The following SNX25 variants were observed in gnomAD, a reference collection of about 807,000 sequenced individuals.
SNX25 encodes sorting nexin-25.
SNX25 carries 62 observed loss-of-function variants against 113.7 expected under a neutral mutation model. That is an observed-to-expected ratio of 0.55 (90% CI 0.44 to 0.67). The LOEUF (loss-of-function observed/expected upper bound fraction) is 0.67, where lower values mean the gene tolerates loss of function less well. Among genes scored for constraint, SNX25 ranks in the 30% least tolerant of loss-of-function variants. SNX25 has a pLI of 0.00. For missense variants in SNX25, 1,014 were observed against 1,161.0 expected, an observed-to-expected ratio of 0.87 and a Z score of 1.84; for synonymous variants, 421 against 436.2, an observed-to-expected ratio of 0.97 and a Z score of 0.43.
intron 6 of SNX25, among the ~76,000 whole-genome samples, chr4:185,290,584 TA>T (rs2126616682): frequency 6.6e-6 from 1 of 152,356 alleles, no homozygotes; most frequent in South Asian, 2.1e-4. Flanking sequence ...ACTGCTTAGA[TA>T]AACTCTTACG....
At chr4:185,303,658 CAAA>C (rs34378168) in intron 6 of SNX25, among the ~76,000 whole-genome samples, 15 of 50,880 alleles carry the variant, frequency 2.9e-4, no homozygotes, top group African/African-American at 4.1e-4. Flanking sequence ...GACTCTGTCT[CAAA>C]AAAAAAAAAA....
chr4:185,339,603 A>G, intron 11 of SNX25, 93 bp downstream of exon 11: 5 of 1,445,012 alleles, frequency 3.5e-6, no homozygotes, highest in Non-Finnish European at 4.6e-6. Context: ...GAGGGTAGAA[A>G]ACTTACACTC....
At chr4:185,366,172 T>C (rs548399727), downstream of SNX25, 2 of 152,386 alleles carry the variant, frequency 1.3e-5, no homozygotes, top group Non-Finnish European at 2.9e-5. Context: ...TACAATCTTA[T>C]GCATATGGAT....
At chr4:185,205,383 G>A (rs566997694), upstream of SNX25, among the ~76,000 whole-genome samples, 24 of 152,208 alleles carry the variant, frequency 1.6e-4, no homozygotes, top group Middle Eastern at 3.4e-3. Flanking sequence ...GAACTCCGGA[G>A]GTGGAGGTTG....
intron 9 of SNX25, among the ~76,000 whole-genome samples, chr4:185,326,640 A>G (rs1317014071): frequency 6.6e-6 from 1 of 152,230 alleles, no homozygotes; most frequent in East Asian, 1.9e-4. Context: ...TAACTTATTT[A>G]TACAAACATA....
chr4:185,371,457 G>A (rs1057098022), downstream of SNX25, among the ~76,000 whole-genome samples: 1 of 151,318 alleles, frequency 6.6e-6, no homozygotes, highest in African/African-American at 2.4e-5. Context: ...CAGGAGAATG[G>A]CGTGAACCCG....
rs1579491241 is a variant in SNX25, at chr4:185,254,581, G to A, written c.515-4267G>A. 2.0e-5 allele frequency among the ~76,000 whole-genome samples: 3 copies of A among 152,168 alleles called. No homozygotes were observed. The South Asian group carries it at 6.2e-4, about 32-fold the overall frequency. On this transcript the variant is annotated intron_variant, in intron 2 of 18. Transcript: ENST00000652585. The stretch of plus-strand genomic sequence containing the variant: ...TCCTTGTTCTGAAAATTTGTGGGTA[G>A]CGATTACCTAACATCCTGTTGTCTA...
intron 8 of SNX25, among the ~76,000 whole-genome samples, chr4:185,321,192 A>G (rs1362893609): frequency 1.3e-5 from 2 of 151,756 alleles, no homozygotes; most frequent in African/African-American, 2.4e-5. Context: ...CCTCACCTAC[A>G]CTTCAGTCTC....
rs2095136760 is a variant in SNX25, at chr4:185,323,727, AC to A, written c.1678del (p.Leu560CysfsTer6). The A allele has an allele frequency of 6.2e-7, 1 of 1,613,682 alleles. No individual in the cohort carries two copies. The highest frequency in any genetic ancestry group is 1.3e-5 in the African/African-American group (1 of 74,910). On this transcript the variant is annotated frameshift_variant, in exon 9 of 19. Coordinates refer to ENST00000652585, the MANE Select transcript of SNX25 (RefSeq NM_001378034.2). LOFTEE classifies it high-confidence loss of function. The part of the protein sequence containing the change: ...DRYYPSFIVS[D>X]LYEKLLIKEE... Reference sequence around the variant, plus strand: ...TATTACCCTTCATTTATTGTCAGTGACCTGTATGAGAAATTGTTGATAAAAG... The same window carrying A: ...TATTACCCTTCATTTATTGTCAGTGACTGTATGAGAAATTGTTGATAAAAG...
chr4:185,211,000 A>G lies in SNX25; in HGVS notation c.429+745A>G, dbSNP rs1737697386. On this transcript the variant is annotated intron_variant, in intron 1 of 18. Coordinates refer to ENST00000652585, the MANE Select transcript of SNX25 (RefSeq NM_001378034.2). The surrounding 1 kb of genome is among the most constrained non-coding windows in gnomAD (Gnocchi z 4.4). Reference sequence around the variant, plus strand: ...ATCTTTCTTCCACATTCCTTCTCATAATCCTTTAAAGGGAACTTTATTCTA... The same window carrying G: ...ATCTTTCTTCCACATTCCTTCTCATGATCCTTTAAAGGGAACTTTATTCTA... 1.3e-5 allele frequency among the ~76,000 whole-genome samples: 2 copies of G among 151,984 alleles called. No homozygotes were observed. The highest frequency in any genetic ancestry group is 2.9e-5 in the Non-Finnish European group (2 of 67,978).
At chr4:185,299,525 C>T (rs940746193) in intron 6 of SNX25, among the ~76,000 whole-genome samples, 1 of 152,174 alleles carries the variant, frequency 6.6e-6, no homozygotes, top group African/African-American at 2.4e-5. Context: ...GACTGGTTCC[C>T]TGATGATGCT....
At chr4:185,351,847 C>G (rs1217868902) in intron 14 of SNX25, among the ~76,000 whole-genome samples, 1 of 151,250 alleles carries the variant, frequency 6.6e-6, no homozygotes, top group Non-Finnish European at 1.5e-5. Flanking sequence ...TGCAGGAGCC[C>G]CGCTACACAC....
chr4:185,371,518 G>A (rs1190738008), downstream of SNX25, among the ~76,000 whole-genome samples: 1 of 147,716 alleles, frequency 6.8e-6, no homozygotes, highest in Admixed American at 6.8e-5. Context: ...CTCCAGCCTG[G>A]GCAACAGAGC....
intron 1 of SNX25, among the ~76,000 whole-genome samples, chr4:185,245,301 C>T (rs991262942): frequency 6.6e-6 from 1 of 151,632 alleles, no homozygotes; most frequent in Non-Finnish European, 1.5e-5. Flanking sequence ...GTGGGGTTTT[C>T]ATTCTATAGT....
chr4:185,300,839 T>TCACACACACACA (rs1560985826), intron 6 of SNX25, among the ~76,000 whole-genome samples: 8 of 49,646 alleles, frequency 1.6e-4, no homozygotes, highest in East Asian at 1.0e-3. Flanking sequence ...ATGATTATTA[T>TCACACACACACA]GACACACACA....
intron 10 of SNX25, among the ~76,000 whole-genome samples, chr4:185,337,408 C>T (rs961185436): frequency 7.9e-5 from 12 of 152,102 alleles, no homozygotes; most frequent in Admixed American, 3.3e-4. Flanking sequence ...CATGTGGTAG[C>T]GTGTGTTAGA....
intron 6 of SNX25, among the ~76,000 whole-genome samples, chr4:185,300,163 AT>A (rs11321386): frequency 0.45 from 65,957 of 147,154 alleles, 14,454 homozygotes; most frequent in East Asian, 0.54. Flanking sequence ...CCACTAGGAA[AT>A]TTTTTTTTTT....
At chr4:185,237,476 C>T (rs1369596215) in intron 1 of SNX25, among the ~76,000 whole-genome samples, 1 of 152,094 alleles carries the variant, frequency 6.6e-6, no homozygotes, top group African/African-American at 2.4e-5. Context: ...CTTTTCAACC[C>T]CTCCGTGCTT....
intron 4 of SNX25, among the ~76,000 whole-genome samples, chr4:185,264,848 A>G (rs142113982): frequency 7.2e-5 from 11 of 152,342 alleles, no homozygotes; most frequent in African/African-American, 2.2e-4. Context: ...TATGCTCTTC[A>G]CAGGGAAGCA....
Sources: allele counts gnomAD v4.1 joint callset (sites outside exome capture counted in the v4.1 genomes callset), GRCh38; gene constraint gnomAD v4.1.1; non-coding constraint Gnocchi (gnomAD v3.1); transcripts MANE v1.5; gene names NCBI Gene and HGNC (gene_info 2026-07-23, HGNC 2026-07-21).